The following CHSY3 variants were observed in gnomAD, a reference collection of about 807,000 sequenced individuals.
CHSY3 encodes the protein chondroitin sulfate synthase 3.
A neutral mutation model predicts 67.2 loss-of-function variants in CHSY3; 35 were observed. That is an observed-to-expected ratio of 0.52 (90% CI 0.40 to 0.69). The LOEUF is 0.69. Ranked by LOEUF, CHSY3 falls within the 30% of genes least tolerant of loss-of-function variation. The probability of loss-of-function intolerance (pLI) is 0.00; values close to 1 mark genes in which losing one functional copy is unlikely to be tolerated. For missense variants in CHSY3, 1,069 were observed against 1,138.5 expected (o/e 0.94, Z 0.88); for synonymous variants, 474 against 434.7 (o/e 1.09, Z -1.12).
intron 2 of CHSY3, among the ~76,000 whole-genome samples, chr5:130,154,335 T>G (rs1231390140): frequency 2.6e-5 from 4 of 152,358 alleles, no homozygotes; most frequent in Non-Finnish European, 5.9e-5. Flanking sequence ...CCTTCAACTC[T>G]TTGCCCCTGG....
intron 2 of CHSY3, among the ~76,000 whole-genome samples, chr5:130,102,260 A>C (rs948331046): frequency 6.6e-6 from 1 of 152,140 alleles, no homozygotes; most frequent in African/African-American, 2.4e-5. Context: ...GCCAGGTAGC[A>C]ACAAGACAAA....
In CHSY3 at chr5:129,952,180, A is replaced by G. The variant is rs187405765; in HGVS notation, c.1086+43820A>G. Among the ~76,000 whole-genome samples the G allele has an allele frequency of 2.2e-3, 334 of 152,302 alleles. 3 individuals are homozygous for G. The highest frequency in any genetic ancestry group is 8.6e-3 in the Admixed American group (131 of 15,278). Reference sequence around the variant, plus strand: ...AGTGGAGCCTCTAATACTCGTTTCAAGTAAAAGTGGAAAGAATGCCTGTAG... The same window carrying G: ...AGTGGAGCCTCTAATACTCGTTTCAGGTAAAAGTGGAAAGAATGCCTGTAG... On this transcript the variant is annotated intron_variant, in intron 2 of 2. Transcript: ENST00000305031.
intron 2 of CHSY3, among the ~76,000 whole-genome samples, chr5:129,916,402 C>G (rs574442779): frequency 6.6e-6 from 1 of 152,168 alleles, no homozygotes; most frequent in African/African-American, 2.4e-5. Context: ...GAATTCTAAA[C>G]AGCTTGGGTT....
intron 2 of CHSY3, among the ~76,000 whole-genome samples, chr5:130,095,869 A>C (rs1767026572): frequency 6.6e-6 from 1 of 152,248 alleles, no homozygotes; most frequent in Non-Finnish European, 1.5e-5. Context: ...CAATACGTAT[A>C]GTCATAATGA....
chr5:129,909,015 C>T (rs978266048), intron 2 of CHSY3, among the ~76,000 whole-genome samples: 2 of 151,852 alleles, frequency 1.3e-5, no homozygotes, highest in Non-Finnish European at 2.9e-5. Flanking sequence ...TGACAGGTTC[C>T]CTAAAATTTG....
intron 2 of CHSY3, among the ~76,000 whole-genome samples, chr5:129,942,277 A>G (rs186449471): frequency 6.6e-6 from 1 of 152,326 alleles, no homozygotes; most frequent in African/African-American, 2.4e-5. Flanking sequence ...GACAAAAAAC[A>G]GTATATAGTA....
At chr5:130,164,724 C>T (rs1224432886) in intron 2 of CHSY3, among the ~76,000 whole-genome samples, 1 of 152,112 alleles carries the variant, frequency 6.6e-6, no homozygotes, top group East Asian at 1.9e-4. Context: ...GAAAAAAAGA[C>T]ACAGTCCTAT....
intron 2 of CHSY3, among the ~76,000 whole-genome samples, chr5:130,078,797 G>A (rs1299496711): frequency 1.3e-5 from 2 of 152,148 alleles, no homozygotes; most frequent in Non-Finnish European, 1.5e-5. Flanking sequence ...GCTGGGCTCC[G>A]AAGGAGAGGG....
chr5:129,957,900 T>C (rs1444139721), intron 2 of CHSY3, among the ~76,000 whole-genome samples: 1 of 152,090 alleles, frequency 6.6e-6, no homozygotes, highest in Non-Finnish European at 1.5e-5. Context: ...TTCATTCTTA[T>C]TCTTTCTTTT....
chr5:130,107,841 T>C (rs1767461130), intron 2 of CHSY3, among the ~76,000 whole-genome samples: 1 of 151,766 alleles, frequency 6.6e-6, no homozygotes, highest in East Asian at 1.9e-4. Context: ...CTCAAATCAG[T>C]TGGCTGCTTA....
chr5:130,144,396 A>T (rs1031553863), intron 2 of CHSY3, among the ~76,000 whole-genome samples: 10 of 152,162 alleles, frequency 6.6e-5, no homozygotes, highest in Non-Finnish European at 1.2e-4. Context: ...AAGTAAAAAA[A>T]AATTATTTAC....
chr5:129,911,722 T>G (rs1159633194), intron 2 of CHSY3, among the ~76,000 whole-genome samples: 1 of 152,166 alleles, frequency 6.6e-6, no homozygotes, highest in Non-Finnish European at 1.5e-5. Context: ...GAAACCAGTA[T>G]GTTGCAGTAT....
At chr5:130,034,344 AG>A (rs1476252945) in intron 2 of CHSY3, among the ~76,000 whole-genome samples, 1 of 152,160 alleles carries the variant, frequency 6.6e-6, no homozygotes, top group Non-Finnish European at 1.5e-5. Context: ...TAAGTTATTC[AG>A]AATTCATCTT....
At chr5:129,924,134 A>G (rs1761014839) in intron 2 of CHSY3, among the ~76,000 whole-genome samples, 1 of 152,146 alleles carries the variant, frequency 6.6e-6, no homozygotes, top group Non-Finnish European at 1.5e-5. Flanking sequence ...AATGGTTCAA[A>G]CACTAAAAAG....
intron 2 of CHSY3, among the ~76,000 whole-genome samples, chr5:130,143,756 A>ATATATATATGTGTGTGTG (rs1433405052): frequency 9.8e-6 from 1 of 101,938 alleles, no homozygotes; most frequent in African/African-American, 4.8e-5. Flanking sequence ...ATATATATAT[A>ATATATATATGTGTGTGTG]TGTGTGTGTG....
At chr5:130,034,024 G>A (rs551968929) in intron 2 of CHSY3, among the ~76,000 whole-genome samples, 2 of 152,254 alleles carry the variant, frequency 1.3e-5, no homozygotes, top group East Asian at 1.9e-4. Context: ...GGGAGGATCT[G>A]CGAATAACAT....
intron 2 of CHSY3, among the ~76,000 whole-genome samples, chr5:130,063,010 ATTCTT>A (rs1271509918): frequency 6.6e-6 from 1 of 152,084 alleles, no homozygotes; most frequent in African/African-American, 2.4e-5. Context: ...TTCTTTTAGC[ATTCTT>A]TTCTTTCTTG....
intron 2 of CHSY3, among the ~76,000 whole-genome samples, chr5:129,992,324 A>C (rs1454084996): frequency 6.6e-6 from 1 of 152,188 alleles, no homozygotes; most frequent in Admixed American, 6.5e-5. Context: ...GATTAAGCCA[A>C]AGTATATTTT....
At chr5:130,044,439 A>G (rs1765087907) in intron 2 of CHSY3, among the ~76,000 whole-genome samples, 1 of 152,100 alleles carries the variant, frequency 6.6e-6, no homozygotes, top group South Asian at 2.1e-4. Flanking sequence ...ATTGGTGAGT[A>G]CTGAAGCATG....
Sources: gnomAD v4.1 joint callset for allele counts (sites outside exome capture counted in the v4.1 genomes callset) on GRCh38, gnomAD v4.1.1 for gene constraint, MANE v1.5 for transcripts, NCBI Gene and HGNC (gene_info 2026-07-23, HGNC 2026-07-21) for gene names.